ZFHX3: variants seen among roughly 807,000 people sequenced by gnomAD.
The protein encoded by ZFHX3 is zinc finger homeobox 3, also known as zinc finger homeobox protein 3.
A neutral mutation model predicts 279.1 loss-of-function variants in ZFHX3; 42 were observed. The observed-to-expected ratio is 0.15, with a 90% CI of 0.12 to 0.19. The LOEUF is 0.19. ZFHX3 is among the 10% of genes least tolerant of loss of function. The pLI, the probability that ZFHX3 is intolerant of heterozygous loss-of-function variation, is 1.00. For missense variants in ZFHX3, 4,981 were observed against 4,754.0 expected (o/e 1.05, Z -1.40); for synonymous variants, 2,293 against 1,957.8 (o/e 1.17, Z -4.52).
At chr16:73,117,526 T>C (rs1293711688) in intron 7 of ZFHX3, among the ~76,000 whole-genome samples, 2 of 152,152 alleles carry the variant, frequency 1.3e-5, no homozygotes, top group African/African-American at 4.8e-5. Context: ...CCAATGGAGT[T>C]GTCTAGAGGC....
chr16:73,483,830 A>C (rs2018918714), intron 2 of ZFHX3, among the ~76,000 whole-genome samples: 1 of 152,078 alleles, frequency 6.6e-6, no homozygotes, highest in Non-Finnish European at 1.5e-5. Flanking sequence ...AATTATGAAG[A>C]AAAATGGACC....
At chr16:72,925,000 T>C (rs1959365661) in intron 3 of ZFHX3, among the ~76,000 whole-genome samples, 1 of 152,118 alleles carries the variant, frequency 6.6e-6, no homozygotes, top group Non-Finnish European at 1.5e-5. Context: ...CTGAACTCTG[T>C]CCAGGCAGTC....
At chr16:73,384,939 C>A (rs1862764) in intron 3 of ZFHX3, among the ~76,000 whole-genome samples, 1 of 152,124 alleles carries the variant, frequency 6.6e-6, no homozygotes, top group South Asian at 2.1e-4. Context: ...GGGTGAACAC[C>A]TGACCCACTG....
At chr16:73,255,770 C>T (rs544158975) in intron 5 of ZFHX3, among the ~76,000 whole-genome samples, 1 of 152,310 alleles carries the variant, frequency 6.6e-6, no homozygotes, top group East Asian at 1.9e-4. Flanking sequence ...GGCACACAAT[C>T]TGCAAAGCCT....
At chr16:73,235,504 C>T (rs1009982682) in intron 5 of ZFHX3, among the ~76,000 whole-genome samples, 10 of 152,118 alleles carry the variant, frequency 6.6e-5, no homozygotes, top group African/African-American at 2.4e-4. Flanking sequence ...CCTGTGCACA[C>T]CAGCCTGAAG....
chr16:73,155,288 C>G (rs1054732999), intron 5 of ZFHX3, among the ~76,000 whole-genome samples: 1 of 151,706 alleles, frequency 6.6e-6, no homozygotes, highest in South Asian at 2.1e-4. Context: ...ATAGCACATG[C>G]TTAAAGGTAA....
At chr16:73,866,777 G>A (rs778033747) in intron 1 of ZFHX3, among the ~76,000 whole-genome samples, 12 of 152,194 alleles carry the variant, frequency 7.9e-5, no homozygotes, top group Non-Finnish European at 1.2e-4. Context: ...GGAAGGACAC[G>A]TGAAGGAGTA....
At chr16:73,626,952 T>C (rs1419322987) in intron 2 of ZFHX3, among the ~76,000 whole-genome samples, 1 of 152,226 alleles carries the variant, frequency 6.6e-6, no homozygotes, top group Non-Finnish European at 1.5e-5. Flanking sequence ...AAGAGGGACT[T>C]ATACTTCTAC....
chr16:73,348,691 G>A (rs1206635350), intron 3 of ZFHX3, among the ~76,000 whole-genome samples: 1 of 152,206 alleles, frequency 6.6e-6, no homozygotes, highest in African/African-American at 2.4e-5. Flanking sequence ...ACACTCACAC[G>A]TTCTTTGCAC....
chr16:72,906,223 A>G (rs1362613646), intron 3 of ZFHX3, among the ~76,000 whole-genome samples: 1 of 151,956 alleles, frequency 6.6e-6, no homozygotes, highest in African/African-American at 2.4e-5. Context: ...AAACGTTTTA[A>G]AACTTATTTT....
At chr16:73,580,883 C>A (rs556135064) in intron 2 of ZFHX3, among the ~76,000 whole-genome samples, 7 of 151,724 alleles carry the variant, frequency 4.6e-5, no homozygotes, top group Non-Finnish European at 1.0e-4. Flanking sequence ...TTTATAGTTT[C>A]TTTGTTTCCT....
Position 73,190,877 on chromosome 16 carries a change from G to T in ZFHX3, c.-1103-47046C>A, listed in dbSNP as rs558726536. On this transcript the variant is annotated intron_variant, in intron 5 of 17. Transcript: ENST00000641206. ...GGACTACAGGGCGAAGGAAGAAAAG[G>T]GAGAAGGATAGAGACCAGGGTGAAG... is the stretch of plus-strand genomic sequence containing the variant. 3.0e-3 allele frequency among the ~76,000 whole-genome samples: 456 copies of T among 151,316 alleles called. 3 individuals carry two copies. Among genetic ancestry groups the T allele is most frequent in the African/African-American group, 9.4e-3 (384 of 41,036 alleles).
At chr16:73,557,747 C>T (rs1173952390) in intron 2 of ZFHX3, among the ~76,000 whole-genome samples, 2 of 152,134 alleles carry the variant, frequency 1.3e-5, no homozygotes, top group Non-Finnish European at 2.9e-5. Context: ...TATTTTGTGC[C>T]GACCTCCTAT....
intron 5 of ZFHX3, among the ~76,000 whole-genome samples, chr16:73,150,350 G>A (rs529010472): frequency 1.2e-3 from 184 of 152,234 alleles, no homozygotes; most frequent in Middle Eastern, 3.4e-3. Flanking sequence ...AGATGGCCCT[G>A]GGTTCAAGTC....
At chr16:73,384,939 C>G (rs1862764) in intron 3 of ZFHX3, among the ~76,000 whole-genome samples, 19,186 of 152,210 alleles carry the variant, frequency 0.13, 2,186 homozygotes, top group African/African-American at 0.3. Flanking sequence ...GGGTGAACAC[C>G]TGACCCACTG....
At chr16:73,021,936 G>T (rs1402879446) in intron 1 of ZFHX3, among the ~76,000 whole-genome samples, 1 of 151,940 alleles carries the variant, frequency 6.6e-6, no homozygotes, top group Non-Finnish European at 1.5e-5. Context: ...GGGAGGCAGA[G>T]GCTGGAGTGA....
At chr16:72,896,664 G>A (rs1477465416) in intron 3 of ZFHX3, among the ~76,000 whole-genome samples, 1 of 152,148 alleles carries the variant, frequency 6.6e-6, no homozygotes, top group Non-Finnish European at 1.5e-5. Context: ...ACGTGTTCCT[G>A]TTACTTGTTT....
intron 3 of ZFHX3, among the ~76,000 whole-genome samples, chr16:73,394,661 A>C (rs1002250469): frequency 1.1e-4 from 17 of 152,318 alleles, no homozygotes; most frequent in African/African-American, 4.1e-4. Flanking sequence ...TATGCTTGTA[A>C]TGGTACAGAA....
chr16:73,875,615 A>G (rs745485707), intron 1 of ZFHX3, among the ~76,000 whole-genome samples: 8 of 152,072 alleles, frequency 5.3e-5, no homozygotes, highest in Non-Finnish European at 1.0e-4. Context: ...TTCGATATCA[A>G]TTTTCTAGTT....
Sources: allele counts gnomAD v4.1 joint callset (sites outside exome capture counted in the v4.1 genomes callset), GRCh38; gene constraint gnomAD v4.1.1; transcripts MANE v1.5; gene names NCBI Gene and HGNC (gene_info 2026-07-23, HGNC 2026-07-21).